Variants in PDE4B observed in about 807,000 individuals in gnomAD.
The protein encoded by PDE4B is 3',5'-cyclic-AMP phosphodiesterase 4B.
In PDE4B, 20 loss-of-function variants were observed where a neutral mutation model predicts 82.2. That is an observed-to-expected ratio of 0.24 (90% CI 0.17 to 0.35). The LOEUF (loss-of-function observed/expected upper bound fraction) is 0.35, where lower values mean the gene tolerates loss of function less well. PDE4B is among the 10% of genes least tolerant of loss of function. The pLI is 1.00. For missense variants in PDE4B, 655 were observed against 907.2 expected, an observed-to-expected ratio of 0.72 and a Z score of 3.57; for synonymous variants, 320 against 318.9, an observed-to-expected ratio of 1.00 and a Z score of -0.04.
In PDE4B at chr1:65,848,697, T is replaced by C. The variant is rs1460624035; in HGVS notation, c.-71+55449T>C. ...ACAAAATGTTTCTGAGATTCATTCA[T>C]GTTGTTTCATGTACTAATAGTTCAT... On this transcript the variant is annotated intron_variant, in intron 1 of 16. Coordinates refer to ENST00000341517, the MANE Select transcript of PDE4B (RefSeq NM_002600.4). Among the ~76,000 whole-genome samples the C allele has an allele frequency of 2.6e-5, 4 of 152,226 alleles. No individual in the cohort carries two copies. The East Asian group carries it at 7.7e-4, about 29-fold the overall frequency.
intron 1 of PDE4B, among the ~76,000 whole-genome samples, chr1:65,806,418 T>A (rs1356408214): frequency 6.6e-6 from 1 of 152,226 alleles, no homozygotes; most frequent in Non-Finnish European, 1.5e-5. Flanking sequence ...TGAAAGAACA[T>A]GCTTACACTT....
intron 1 of PDE4B, among the ~76,000 whole-genome samples, chr1:65,851,784 C>T (rs1162101013): frequency 6.6e-6 from 1 of 151,804 alleles, no homozygotes; most frequent in African/African-American, 2.4e-5. Flanking sequence ...TCTTTTCTCA[C>T]CTTGCTGCTC....
At chr1:66,013,189 T>C (rs1652583186) in intron 3 of PDE4B, among the ~76,000 whole-genome samples, 1 of 152,104 alleles carries the variant, frequency 6.6e-6, no homozygotes, top group Non-Finnish European at 1.5e-5. Context: ...TGATTCATAA[T>C]TGGTACTCAG....
intron 1 of PDE4B, among the ~76,000 whole-genome samples, chr1:65,842,599 C>T (rs757924873): frequency 6.6e-6 from 1 of 151,976 alleles, no homozygotes; most frequent in Non-Finnish European, 1.5e-5. Flanking sequence ...AATGTTCATC[C>T]GACTTGTTAT....
intron 3 of PDE4B, among the ~76,000 whole-genome samples, chr1:66,188,890 G>C (rs977847622): frequency 6.6e-6 from 1 of 152,034 alleles, no homozygotes; most frequent in African/African-American, 2.4e-5. Flanking sequence ...ATGTTAGCTG[G>C]GTATTTTGCT....
intron 1 of PDE4B, among the ~76,000 whole-genome samples, chr1:65,819,411 G>A (rs1645924718): frequency 6.6e-6 from 1 of 152,100 alleles, no homozygotes; most frequent in African/African-American, 2.4e-5. Flanking sequence ...TAACTCCAGA[G>A]ACCAGTCTGA....
intron 3 of PDE4B, among the ~76,000 whole-genome samples, chr1:66,213,743 G>A (rs539834843): frequency 1.3e-5 from 2 of 152,200 alleles, no homozygotes; most frequent in Admixed American, 1.3e-4. Flanking sequence ...TTTTCACTTA[G>A]AATTTTAGAT....
chr1:66,354,191 C>T (rs508098), intron 8 of PDE4B, among the ~76,000 whole-genome samples: 94,932 of 151,992 alleles, frequency 0.62, 30,840 homozygotes, highest in East Asian at 0.89. Flanking sequence ...TAAATGTTTG[C>T]TTAAATGTTC....
At chr1:65,952,407 G>C (rs115478148) in intron 3 of PDE4B, among the ~76,000 whole-genome samples, 1 of 152,014 alleles carries the variant, frequency 6.6e-6, no homozygotes, top group South Asian at 2.1e-4. Context: ...TAGGCCAGGC[G>C]CGATGGCTCA....
intron 7 of PDE4B, among the ~76,000 whole-genome samples, chr1:66,293,032 T>C (rs775008731): frequency 7.9e-5 from 12 of 152,198 alleles, no homozygotes; most frequent in Non-Finnish European, 1.5e-4. Context: ...CATTTGGGGA[T>C]TGCATGGTAA....
intron 3 of PDE4B, among the ~76,000 whole-genome samples, chr1:66,062,202 T>C (rs2100899692): frequency 6.6e-6 from 1 of 152,214 alleles, no homozygotes; most frequent in Admixed American, 6.6e-5. Context: ...TGAAATACCT[T>C]AGTTAAAATG....
intron 3 of PDE4B, among the ~76,000 whole-genome samples, chr1:66,226,206 CT>C (rs1651440846): frequency 6.6e-6 from 1 of 152,188 alleles, no homozygotes; most frequent in African/African-American, 2.4e-5. Context: ...ATCTTTCTAT[CT>C]CTTGTCTGAC....
At chr1:65,977,618 A>G (rs1007498494) in intron 3 of PDE4B, among the ~76,000 whole-genome samples, 5 of 152,212 alleles carry the variant, frequency 3.3e-5, no homozygotes, top group Non-Finnish European at 5.9e-5. Flanking sequence ...ACATTGTTCT[A>G]TGTACCATAG....
chr1:65,943,670 A>G (rs1648558222), intron 3 of PDE4B, among the ~76,000 whole-genome samples: 1 of 151,840 alleles, frequency 6.6e-6, no homozygotes, highest in Non-Finnish European at 1.5e-5. Flanking sequence ...GTCTTCTTCA[A>G]TTTCAATGTT....
chr1:66,156,220 G>C (rs779567371), intron 3 of PDE4B, among the ~76,000 whole-genome samples: 23 of 152,094 alleles, frequency 1.5e-4, no homozygotes, highest in Non-Finnish European at 3.1e-4. Flanking sequence ...GAACCTAAAA[G>C]GGTGAGTTCA....
intron 1 of PDE4B, among the ~76,000 whole-genome samples, chr1:65,887,228 TTC>T (rs1435095614): frequency 4.1e-5 from 1 of 24,356 alleles, no homozygotes; most frequent in African/African-American, 2.3e-4. Context: ...CTTTCTTTCT[TTC>T]TTTCTTTCTT....
At chr1:66,248,623 A>T (rs1243532317) in intron 4 of PDE4B, among the ~76,000 whole-genome samples, 1 of 152,198 alleles carries the variant, frequency 6.6e-6, no homozygotes, top group Non-Finnish European at 1.5e-5. Flanking sequence ...ATTTGGCAAA[A>T]TTTACTGATT....
chr1:66,098,804 C>T (rs1379672768), intron 3 of PDE4B, among the ~76,000 whole-genome samples: 2 of 152,052 alleles, frequency 1.3e-5, no homozygotes, highest in African/African-American at 4.8e-5. Context: ...TTAACTCTCC[C>T]ACAAATGGCT....
chr1:65,872,553 A>G (rs958138989), intron 1 of PDE4B, among the ~76,000 whole-genome samples: 1 of 152,194 alleles, frequency 6.6e-6, no homozygotes, highest in Admixed American at 6.6e-5. Context: ...TAGATTGCCA[A>G]AGTAAATCTC....
Sources: gnomAD v4.1 joint callset for allele counts (sites outside exome capture counted in the v4.1 genomes callset) on GRCh38, gnomAD v4.1.1 for gene constraint, MANE v1.5 for transcripts, NCBI Gene and HGNC (gene_info 2026-07-23, HGNC 2026-07-21) for gene names.